CAMK1D: variants seen among roughly 807,000 people sequenced by gnomAD.
CAMK1D encodes the protein calcium/calmodulin-dependent protein kinase type 1D.
In CAMK1D, 9 loss-of-function variants were observed where a neutral mutation model predicts 47.7. The observed-to-expected ratio is 0.19, with a 90% CI of 0.11 to 0.33. The LOEUF (loss-of-function observed/expected upper bound fraction) is 0.33. CAMK1D is among the 10% of genes least tolerant of loss of function. The probability of loss-of-function intolerance (pLI) is 1.00; values close to 1 mark genes in which losing one functional copy is unlikely to be tolerated. For synonymous variants in CAMK1D, 184 were observed against 184.9 expected, an observed-to-expected ratio of 0.99 and a Z score of 0.04; for missense variants, 291 against 488.7, an observed-to-expected ratio of 0.60 and a Z score of 3.81.
intron 2 of CAMK1D, among the ~76,000 whole-genome samples, chr10:12,616,084 TGGTGTGTATA>T (rs1237677284): frequency 4.0e-5 from 6 of 151,204 alleles, no homozygotes; most frequent in Middle Eastern, 3.2e-3. Context: ...GTGCGTGTAT[TGGTGTGTATA>T]GGTGTGAGCG....
At chr10:12,366,568 A>C (rs975342986) in intron 1 of CAMK1D, among the ~76,000 whole-genome samples, 1 of 151,862 alleles carries the variant, frequency 6.6e-6, no homozygotes, top group Non-Finnish European at 1.5e-5. Flanking sequence ...CTGAGGCAGG[A>C]GAATCGCTTG....
rs1191473205 is a variant in CAMK1D, at chr10:12,772,888, T to G, written c.565+3089T>G. ...AACTTCAGAGTAGGGAAGGGGCTGC[T>G]TTGAAGAGCTTGTATCTAGAGGACA... is the stretch of plus-strand genomic sequence containing the variant. On this transcript the variant is annotated intron_variant, in intron 5 of 10. Transcript: ENST00000619168. Among the ~76,000 whole-genome samples the G allele has an allele frequency of 2.0e-5, 3 of 152,146 alleles. 1 individual carries two copies. Among genetic ancestry groups the G allele is most frequent in the African/African-American group, 7.2e-5 (3 of 41,436 alleles).
intron 3 of CAMK1D, 58 bp from the exon 4 acceptor site, chr10:12,760,890 C>A: frequency 6.4e-7 from 1 of 1,564,538 alleles, no homozygotes; most frequent in South Asian, 1.1e-5. Context: ...ACATTGGAAG[C>A]TTTCCCTTCA....
intron 10 of CAMK1D, 101 bp from the exon 11 acceptor site, chr10:12,828,668 G>GC (rs1833346983): frequency 7.2e-6 from 4 of 554,152 alleles, no homozygotes; most frequent in East Asian, 3.8e-5. Context: ...GGGCCCCCCC[G>GC]CCCCCCACCA....
chr10:12,755,201 A>T (rs1414416828), intron 3 of CAMK1D, among the ~76,000 whole-genome samples: 2 of 152,168 alleles, frequency 1.3e-5, no homozygotes, highest in African/African-American at 4.8e-5. Flanking sequence ...TGAAATGAAA[A>T]CTTAATCTCT....
At chr10:12,625,402 G>A (rs1197982897) in intron 2 of CAMK1D, among the ~76,000 whole-genome samples, 1 of 148,222 alleles carries the variant, frequency 6.7e-6, no homozygotes, top group African/African-American at 2.5e-5. Context: ...CATGATTATC[G>A]TAACTCACTG....
intron 6 of CAMK1D, among the ~76,000 whole-genome samples, chr10:12,805,515 C>T (rs1485555100): frequency 6.6e-6 from 1 of 151,604 alleles, no homozygotes; most frequent in African/African-American, 2.4e-5. Flanking sequence ...GGATTACAGG[C>T]GTGCGCCACC....
chr10:12,476,228 G>A (rs901755926), intron 1 of CAMK1D, among the ~76,000 whole-genome samples: 1 of 151,194 alleles, frequency 6.6e-6, no homozygotes, highest in African/African-American at 2.4e-5. Context: ...GGAGGCGGAG[G>A]TTGCAGTGAG....
chr10:12,496,949 C>T lies in CAMK1D; in HGVS notation c.93-56276C>T, dbSNP rs755073840. 3.3e-5 allele frequency among the ~76,000 whole-genome samples: 5 copies of T among 152,076 alleles called. 1 individual carries two copies. Among genetic ancestry groups the T allele is most frequent in the South Asian group, 2.1e-4 (1 of 4,828 alleles). On this transcript the variant is annotated intron_variant, in intron 1 of 10. Transcript: ENST00000619168. Reference sequence around the variant, plus strand: ...GTTTTCCTCCCTGTGTCCGTGTGTTCGCATAGTTCAGCTCCCACTTATAAG... The same window carrying T: ...GTTTTCCTCCCTGTGTCCGTGTGTTTGCATAGTTCAGCTCCCACTTATAAG...
chr10:12,502,227 A>G (rs1186906660), intron 1 of CAMK1D, among the ~76,000 whole-genome samples: 2 of 152,184 alleles, frequency 1.3e-5, no homozygotes. Context: ...TGATGGATGC[A>G]GAGCTTTAGG....
chr10:12,683,771 T>TGC (rs1832543928), intron 3 of CAMK1D, among the ~76,000 whole-genome samples: 1 of 151,754 alleles, frequency 6.6e-6, no homozygotes, highest in Admixed American at 6.6e-5. Flanking sequence ...TGTGTGTGTG[T>TGC]GTGTGTGTGT....
intron 3 of CAMK1D, among the ~76,000 whole-genome samples, chr10:12,735,207 T>G (rs1018220243): frequency 6.6e-6 from 1 of 152,222 alleles, no homozygotes. Flanking sequence ...CCGGGCGCGG[T>G]GGCTCACGCC....
intron 3 of CAMK1D, among the ~76,000 whole-genome samples, chr10:12,696,814 C>T (rs922040868): frequency 6.6e-6 from 1 of 152,112 alleles, no homozygotes; most frequent in Non-Finnish European, 1.5e-5. Flanking sequence ...GAAAATGGGA[C>T]CTTCGAAGAA....
intron 1 of CAMK1D, among the ~76,000 whole-genome samples, chr10:12,449,749 A>G (rs1564346830): frequency 6.6e-6 from 1 of 152,192 alleles, no homozygotes; most frequent in Admixed American, 6.5e-5. Flanking sequence ...CCACGCCTAT[A>G]ATCATTTGGG....
intron 3 of CAMK1D, among the ~76,000 whole-genome samples, chr10:12,732,596 C>G (rs1455624270): frequency 6.6e-6 from 1 of 152,012 alleles, no homozygotes; most frequent in Non-Finnish European, 1.5e-5. Context: ...GTAAACCCAT[C>G]AGATCTCGTG....
Position 12,564,155 on chromosome 10 carries a change from C to CTCTGTCTG in CAMK1D, c.224+10802_224+10803insGTCTGTCT, listed in dbSNP as rs1554789285. On this transcript the variant is annotated intron_variant, in intron 2 of 10. Coordinates refer to ENST00000619168, the MANE Select transcript of CAMK1D (RefSeq NM_153498.4). ...TCTCTCTCTCTCTCTCTGTCTCTCT[C>CTCTGTCTG]TCTCTCTCTCTCTCTCTCTCTCTCT... Among the ~76,000 whole-genome samples, 263 of 103,466 alleles carry CTCTGTCTG rather than the reference C, an allele frequency of 2.5e-3. 3 individuals carry two copies. The highest frequency in any genetic ancestry group is 5.7e-3 in the East Asian group (24 of 4,210). The allele number at this position is 103,466 out of a possible 152,430, so 67.9% of individuals were successfully genotyped here. A position where few individuals can be genotyped will look rare whatever the true frequency, so the allele number is the denominator to read the frequency against.
intron 2 of CAMK1D, among the ~76,000 whole-genome samples, chr10:12,558,508 C>T (rs1386708858): frequency 6.6e-6 from 1 of 151,814 alleles, no homozygotes; most frequent in Non-Finnish European, 1.5e-5. Flanking sequence ...GAACCGAGAT[C>T]GTGCCGTTGC....
At chr10:12,406,151 C>T (rs1051828831) in intron 1 of CAMK1D, among the ~76,000 whole-genome samples, 3 of 152,130 alleles carry the variant, frequency 2.0e-5, no homozygotes, top group Non-Finnish European at 4.4e-5. Flanking sequence ...ATTGGCACCA[C>T]AGCCAAGATG....
At chr10:12,529,518 A>T (rs1317495135) in intron 1 of CAMK1D, among the ~76,000 whole-genome samples, 1 of 152,176 alleles carries the variant, frequency 6.6e-6, no homozygotes, top group Non-Finnish European at 1.5e-5. Context: ...CCTCCTTATG[A>T]ATCTGTATTT....
Sources: gnomAD v4.1 joint callset for allele counts (sites outside exome capture counted in the v4.1 genomes callset) on GRCh38, gnomAD v4.1.1 for gene constraint, MANE v1.5 for transcripts, NCBI Gene and HGNC (gene_info 2026-07-23, HGNC 2026-07-21) for gene names.